Variants in FBXL4 observed in about 807,000 individuals in gnomAD.
FBXL4 encodes the protein F-box/LRR-repeat protein 4.
A neutral mutation model predicts 58.9 loss-of-function variants in FBXL4; 40 were observed. The ratio of observed to expected loss-of-function variants is 0.68; its 90% CI spans 0.53 to 0.88. The LOEUF (loss-of-function observed/expected upper bound fraction) is 0.88, where lower values mean the gene tolerates loss of function less well. Ranked by LOEUF, FBXL4 falls within the 40% of genes least tolerant of loss-of-function variation. The pLI, the probability that FBXL4 is intolerant of heterozygous loss-of-function variation, is 0.00. For missense variants in FBXL4, 676 were observed against 734.4 expected (o/e 0.92, Z 0.92); for synonymous variants, 263 against 265.5 (o/e 0.99, Z 0.09).
At chr6:98,930,561 T>C (rs1051634039) in intron 2 of FBXL4, among the ~76,000 whole-genome samples, 1 of 152,220 alleles carries the variant, frequency 6.6e-6, no homozygotes, top group African/African-American at 2.4e-5. Flanking sequence ...GAAAAATAAC[T>C]ACCTGTTATA....
intron 1 of FBXL4, among the ~76,000 whole-genome samples, chr6:98,936,653 A>G (rs1234781738): frequency 6.6e-6 from 1 of 152,108 alleles, no homozygotes; most frequent in Non-Finnish European, 1.5e-5. Flanking sequence ...AGCCTATTTC[A>G]TTGTAAGAAT....
At chr6:98,929,883 G>C (rs1453744143) in intron 2 of FBXL4, among the ~76,000 whole-genome samples, 2 of 152,198 alleles carry the variant, frequency 1.3e-5, no homozygotes, top group African/African-American at 2.4e-5. Context: ...AAAGTCACCA[G>C]AGGAAATCAG....
chr6:98,923,411 A>C (rs1772658549), intron 4 of FBXL4, among the ~76,000 whole-genome samples: 1 of 152,230 alleles, frequency 6.6e-6, no homozygotes. Context: ...TTAGATCTTA[A>C]GAATGTTACT....
At chr6:98,898,686 G>A (rs1163466723) in intron 7 of FBXL4, 3 of 984,794 alleles carry the variant, frequency 3.0e-6, no homozygotes, top group Non-Finnish European at 3.6e-6. Context: ...AAAACTAAAT[G>A]TTGATCATTT....
intron 6 of FBXL4, among the ~76,000 whole-genome samples, chr6:98,905,042 AAATT>A (rs1180763412): frequency 6.6e-6 from 1 of 152,198 alleles, no homozygotes; most frequent in African/African-American, 2.4e-5. Flanking sequence ...GTTCTATAAT[AAATT>A]GTTTTCCATT....
rs1011674 is a variant in FBXL4, at chr6:98,926,179, C to T, written c.512+298G>A. Among the ~76,000 whole-genome samples the T allele has an allele frequency of 0.36, 54,441 of 151,950 alleles. 10,275 individuals are homozygous for T. The highest frequency in any genetic ancestry group is 0.46 in the Middle Eastern group (134 of 294). On this transcript the variant is annotated intron_variant, in intron 4 of 9. Transcript: ENST00000369244. The stretch of plus-strand genomic sequence containing the variant: ...TTTTCAAAGTCATATTTCGTACTAA[C>T]GTCCCAGAATGGCCCATGTCCCTAT...
chr6:98,905,462 C>T lies in FBXL4; in HGVS notation c.1067G>A (p.Gly356Asp). Residue 356 changes from glycine (G) to aspartate (D), a missense_variant, in exon 6 of 10, where the codon GGC (glycine) becomes GAC (aspartate). Gly to Asp is a moderately conservative substitution (Grantham distance 94, BLOSUM62 -1). Transcript: ENST00000369244. The stretch of plus-strand genomic sequence containing the variant: ...TGCAACAGAGATGAAGCCTCTATTG[C>T]CAGTCCAAGATAAATTAAGCCACTG... ...LVQWLNLSWTGNRGFISVAGF... is the reference protein window; with the variant it reads ...LVQWLNLSWTDNRGFISVAGF... The T allele has an allele frequency of 6.2e-7, 1 of 1,613,964 alleles. No individual in the cohort carries two copies. Among genetic ancestry groups the T allele is most frequent in the Non-Finnish European group, 8.5e-7 (1 of 1,179,942 alleles).
chr6:98,885,966 G>A (rs1432033940), intron 7 of FBXL4, among the ~76,000 whole-genome samples: 1 of 152,044 alleles, frequency 6.6e-6, no homozygotes, highest in African/African-American at 2.4e-5. Context: ...GAGGGAACAG[G>A]GGCCTCTGGT....
chr6:98,916,649 C>A (rs1396586422), intron 5 of FBXL4, among the ~76,000 whole-genome samples: 6 of 151,742 alleles, frequency 4.0e-5, no homozygotes, highest in Admixed American at 1.3e-4. Context: ...AGGGGAACAT[C>A]ACGCTCTGGG....
At chr6:98,927,092 T>TAATTTA in intron 3 of FBXL4, 32 bp from the exon 4 acceptor site, 1 of 1,128,024 alleles carries the variant, frequency 8.9e-7, no homozygotes, top group Non-Finnish European at 1.3e-6. Flanking sequence ...TGAAGTAAAA[T>TAATTTA]AATTTAAATA....
intron 7 of FBXL4, among the ~76,000 whole-genome samples, chr6:98,883,234 T>C (rs1770914246): frequency 6.6e-6 from 1 of 152,038 alleles, no homozygotes; most frequent in Admixed American, 6.6e-5. Context: ...GCTCTGTAAA[T>C]TGCTTAATCA....
chr6:98,932,223 T>C (rs960388650), intron 2 of FBXL4, among the ~76,000 whole-genome samples: 2 of 152,208 alleles, frequency 1.3e-5, no homozygotes, highest in African/African-American at 4.8e-5. Context: ...GGGATCTTCA[T>C]TTCATTTGTT....
At chr6:98,936,263 AG>A (rs1299308975) in intron 1 of FBXL4, among the ~76,000 whole-genome samples, 1 of 152,220 alleles carries the variant, frequency 6.6e-6, no homozygotes, top group Non-Finnish European at 1.5e-5. Flanking sequence ...ACCAAAATCA[AG>A]ATACAGAATA....
chr6:98,881,336 A>T lies in FBXL4; in HGVS notation c.1318-712T>A, dbSNP rs571419038. ...TCATGGCACCCTAAAATATTTTTTTAAAAAAGTCTGCTATGAAAAATTGTG... is the reference window on the plus strand; with the variant it reads ...TCATGGCACCCTAAAATATTTTTTTTAAAAAGTCTGCTATGAAAAATTGTG... On this transcript the variant is annotated intron_variant, in intron 7 of 9. Transcript: ENST00000369244. Among the ~76,000 whole-genome samples, 14 of 152,340 alleles carry T rather than the reference A, an allele frequency of 9.2e-5. No homozygotes were observed. The East Asian group carries it at 9.6e-4, about 10-fold the overall frequency.
At chr6:98,906,174 TAAAAA>T (rs548854461) in intron 5 of FBXL4, among the ~76,000 whole-genome samples, 1 of 123,952 alleles carries the variant, frequency 8.1e-6, no homozygotes, top group African/African-American at 2.9e-5. Context: ...CACTCAGCTT[TAAAAA>T]AAAAAAAAAA....
At chr6:98,899,512 T>C (rs370002174) in intron 6 of FBXL4, 31 bp from the exon 7 acceptor site, 359 of 1,592,984 alleles carry the variant, frequency 2.3e-4, no homozygotes, top group Non-Finnish European at 2.9e-4. Context: ...GTGAATTTTA[T>C]AAAACTAAAA....
At chr6:98,922,143 G>A (rs1239106117) in intron 4 of FBXL4, among the ~76,000 whole-genome samples, 1 of 152,124 alleles carries the variant, frequency 6.6e-6, no homozygotes. Flanking sequence ...GGCCAGGCTG[G>A]TCTCAAACGC....
intron 4 of FBXL4, among the ~76,000 whole-genome samples, chr6:98,921,287 G>C (rs1038823916): frequency 6.6e-6 from 1 of 152,046 alleles, no homozygotes; most frequent in Non-Finnish European, 1.5e-5. Flanking sequence ...GAGAGGAAGA[G>C]AGATGTTTCA....
At chr6:98,904,294 C>T (rs1771718067) in intron 6 of FBXL4, among the ~76,000 whole-genome samples, 1 of 152,116 alleles carries the variant, frequency 6.6e-6, no homozygotes, top group Admixed American at 6.5e-5. Flanking sequence ...GCAATGAACC[C>T]CTTCTCCTGG....
Sources: allele counts gnomAD v4.1 joint callset (sites outside exome capture counted in the v4.1 genomes callset), GRCh38; gene constraint gnomAD v4.1.1; transcripts MANE v1.5; gene names NCBI Gene and HGNC (gene_info 2026-07-23, HGNC 2026-07-21).